Variants in CFAP299 observed in about 807,000 individuals in gnomAD.
CFAP299 encodes cilia- and flagella-associated protein 299.
Under a neutral mutation model 27.0 loss-of-function variants are expected in CFAP299, and 21 were observed. The ratio of observed to expected loss-of-function variants is 0.78; its 90% CI spans 0.55 to 1.12. CFAP299 has a LOEUF of 1.12. Ranked by LOEUF, CFAP299 falls within the 50% of genes most tolerant of loss-of-function variation. The pLI is 0.00. For synonymous variants in CFAP299, 104 were observed against 98.1 expected (o/e 1.06, Z -0.36); for missense variants, 310 against 276.6 (o/e 1.12, Z -0.86).
chr4:80,405,206 G>A (rs1278611385), intron 2 of CFAP299, among the ~76,000 whole-genome samples: 4 of 152,150 alleles, frequency 2.6e-5, no homozygotes, highest in Non-Finnish European at 4.4e-5. Flanking sequence ...CCTGTTAGCA[G>A]TGTGGCTTCT....
intron 3 of CFAP299, among the ~76,000 whole-genome samples, chr4:80,665,341 G>A (rs1284960196): frequency 2.0e-5 from 3 of 151,830 alleles, no homozygotes; most frequent in Non-Finnish European, 1.5e-5. Flanking sequence ...TCCTATTTTG[G>A]GCTGTTGATG....
At chr4:80,960,715 AC>A (rs1738302720) in intron 5 of CFAP299, among the ~76,000 whole-genome samples, 2 of 151,862 alleles carry the variant, frequency 1.3e-5, no homozygotes, top group African/African-American at 4.8e-5. Context: ...TATTAAAAGG[AC>A]TTTTACCAAA....
chr4:80,590,353 A>G (rs531677525), intron 3 of CFAP299, among the ~76,000 whole-genome samples: 1 of 152,298 alleles, frequency 6.6e-6, no homozygotes, highest in East Asian at 1.9e-4. Flanking sequence ...TAGAACACAG[A>G]ATGAGCTGGG....
At chr4:80,659,697 A>T (rs1740737703) in intron 3 of CFAP299, among the ~76,000 whole-genome samples, 1 of 152,218 alleles carries the variant, frequency 6.6e-6, no homozygotes, top group Non-Finnish European at 1.5e-5. Context: ...TGGATACAAA[A>T]TAATATAACT....
rs576970878 is a variant in CFAP299, at chr4:80,800,056, T to C, written c.334-69937T>C. On this transcript the variant is annotated intron_variant, in intron 3 of 5. Coordinates refer to ENST00000358105, the MANE Select transcript of CFAP299 (RefSeq NM_152770.3). ...ATATATAATAATATATAATAAATGC[T>C]ATAATATATATTATATAAATAAAAT... Among the ~76,000 whole-genome samples the C allele has an allele frequency of 2.8e-3, 190 of 66,702 alleles. 2 individuals are homozygous for C. Among genetic ancestry groups the C allele is most frequent in the African/African-American group, 0.011 (181 of 15,966 alleles). 43.8% of individuals were successfully genotyped at this position (66,702 alleles called of 152,430 possible).
intron 3 of CFAP299, among the ~76,000 whole-genome samples, chr4:80,819,403 G>A (rs1729585833): frequency 6.6e-6 from 1 of 152,094 alleles, no homozygotes. Context: ...TCAACTGGTA[G>A]GTTTTGGAAA....
At chr4:80,572,614 T>A (rs1439453139) in intron 2 of CFAP299, among the ~76,000 whole-genome samples, 1 of 142,698 alleles carries the variant, frequency 7.0e-6, no homozygotes, top group Non-Finnish European at 1.5e-5. Context: ...GCCTCCCAGG[T>A]TCAAGTGATT....
intron 2 of CFAP299, among the ~76,000 whole-genome samples, chr4:80,423,069 G>A (rs1251673270): frequency 2.6e-5 from 4 of 152,140 alleles, no homozygotes; most frequent in African/African-American, 9.7e-5. Flanking sequence ...GTAAACATAG[G>A]TATAAAAGAT....
At chr4:80,568,136 A>G (rs1735402209) in intron 2 of CFAP299, among the ~76,000 whole-genome samples, 1 of 151,844 alleles carries the variant, frequency 6.6e-6, no homozygotes, top group South Asian at 2.1e-4. Flanking sequence ...AAAAACTTTT[A>G]GGGAAAAATG....
At chr4:80,418,285 A>G (rs1030095850) in intron 2 of CFAP299, among the ~76,000 whole-genome samples, 2 of 152,184 alleles carry the variant, frequency 1.3e-5, no homozygotes, top group African/African-American at 4.8e-5. Flanking sequence ...ATATACATGT[A>G]TATGCATATG....
chr4:80,856,650 C>G (rs376184337), intron 3 of CFAP299, among the ~76,000 whole-genome samples: 1 of 152,198 alleles, frequency 6.6e-6, no homozygotes, highest in East Asian at 1.9e-4. Context: ...GCACCATTTA[C>G]TAAATAGGGA....
intron 3 of CFAP299, among the ~76,000 whole-genome samples, chr4:80,868,092 A>G (rs1732850710): frequency 6.6e-6 from 1 of 152,184 alleles, no homozygotes; most frequent in Non-Finnish European, 1.5e-5. Context: ...CCAGAACATC[A>G]CAACACTTTA....
At chr4:80,859,609 G>A (rs1484865786) in intron 3 of CFAP299, among the ~76,000 whole-genome samples, 1 of 151,886 alleles carries the variant, frequency 6.6e-6, no homozygotes, top group African/African-American at 2.4e-5. Flanking sequence ...AGGCCTGGTG[G>A]TGACAAATCT....
intron 3 of CFAP299, among the ~76,000 whole-genome samples, chr4:80,799,687 ATAT>A (rs1728207368): frequency 8.4e-5 from 4 of 47,626 alleles, no homozygotes; most frequent in African/African-American, 1.0e-4. Flanking sequence ...ATTTATAAAT[ATAT>A]AATATATAAA....
chr4:80,934,449 C>G (rs1454189444), intron 4 of CFAP299, among the ~76,000 whole-genome samples: 1 of 151,848 alleles, frequency 6.6e-6, no homozygotes, highest in Non-Finnish European at 1.5e-5. Flanking sequence ...ATATTCCCTC[C>G]TATTCAATCT....
At chr4:80,779,663 A>C (rs1726757899) in intron 3 of CFAP299, among the ~76,000 whole-genome samples, 1 of 151,972 alleles carries the variant, frequency 6.6e-6, no homozygotes, top group Non-Finnish European at 1.5e-5. Context: ...AGCCTCTTCC[A>C]ACCCTGTCTC....
chr4:80,824,596 A>G (rs1241978727), intron 3 of CFAP299, among the ~76,000 whole-genome samples: 1 of 152,112 alleles, frequency 6.6e-6, no homozygotes, highest in Non-Finnish European at 1.5e-5. Context: ...AGAGACCAGG[A>G]TATTTAAAAG....
intron 3 of CFAP299, among the ~76,000 whole-genome samples, chr4:80,822,262 T>C (rs1162902655): frequency 6.6e-6 from 1 of 152,186 alleles, no homozygotes; most frequent in Non-Finnish European, 1.5e-5. Flanking sequence ...CTGAAAAGCC[T>C]TCACTAACAT....
chr4:80,604,366 T>A (rs1737525014), intron 3 of CFAP299, among the ~76,000 whole-genome samples: 1 of 152,270 alleles, frequency 6.6e-6, no homozygotes, highest in South Asian at 2.1e-4. Context: ...GTCAGTAAGA[T>A]AATTGGAAGT....
Sources: allele counts gnomAD v4.1 joint callset (sites outside exome capture counted in the v4.1 genomes callset), GRCh38; gene constraint gnomAD v4.1.1; transcripts MANE v1.5; gene names NCBI Gene and HGNC (gene_info 2026-07-23, HGNC 2026-07-21).